Variants in IL15 observed in about 807,000 individuals in gnomAD.
IL15 encodes the protein interleukin-15.
IL15 carries 11 observed loss-of-function variants against 19.6 expected under a neutral mutation model. The observed-to-expected ratio is 0.56, with a 90% CI of 0.35 to 0.93. IL15 has a LOEUF of 0.93. IL15 is among the 40% of genes least tolerant of loss of function. The pLI is 0.01. For missense variants in IL15, 197 were observed against 186.5 expected (o/e 1.06, Z -0.33); for synonymous variants, 58 against 59.6 (o/e 0.97, Z 0.12).
intron 4 of IL15, chr4:141,720,960 C>T: frequency 1.7e-6 from 1 of 577,726 alleles, no homozygotes. Context: ...TATCCTAGTT[C>T]AGTTTAAAAC....
chr4:141,668,281 C>T (rs1057101696), intron 2 of IL15, among the ~76,000 whole-genome samples: 1 of 152,190 alleles, frequency 6.6e-6, no homozygotes, highest in African/African-American at 2.4e-5. Context: ...CTCAGCCTAC[C>T]TCCCTGGGCC....
chr4:141,672,713 G>T (rs1188732835), intron 2 of IL15, among the ~76,000 whole-genome samples: 1 of 152,164 alleles, frequency 6.6e-6, no homozygotes, highest in Non-Finnish European at 1.5e-5. Context: ...ATACGTAAAA[G>T]CATTATAACA....
rs936372896 is a variant in IL15 at position 141,723,411 on chromosome 4, G to A, written c.195+1403G>A. ...GGAAGAAAGCCATGTGAAGACAGAGGAAGAGATCAGAGTGATGCGGCTATA... is the reference window on the plus strand; with the variant it reads ...GGAAGAAAGCCATGTGAAGACAGAGAAAGAGATCAGAGTGATGCGGCTATA... On this transcript the variant is annotated intron_variant, in intron 5 of 7. Transcript: ENST00000320650. 5.9e-5 allele frequency among the ~76,000 whole-genome samples: 9 copies of A among 152,264 alleles called. No individual in the cohort carries two copies. The South Asian group carries it at 1.9e-3, about 32-fold the overall frequency.
chr4:141,696,050 C>T (rs1156873225), intron 2 of IL15, among the ~76,000 whole-genome samples: 1 of 152,014 alleles, frequency 6.6e-6, no homozygotes, highest in African/African-American at 2.4e-5. Flanking sequence ...AACATTTCCC[C>T]TATATTTTCT....
intron 2 of IL15, among the ~76,000 whole-genome samples, chr4:141,704,991 G>T (rs142978952): frequency 2.1e-4 from 31 of 150,860 alleles, no homozygotes; most frequent in Non-Finnish European, 4.0e-4. Flanking sequence ...CATAGGTAAA[G>T]GTTTGTTGAT....
At chr4:141,679,529 G>A (rs1364398976) in intron 2 of IL15, among the ~76,000 whole-genome samples, 1 of 152,010 alleles carries the variant, frequency 6.6e-6, no homozygotes, top group African/African-American at 2.4e-5. Context: ...TGATCTCAAA[G>A]GTGTTCCTTT....
chr4:141,647,699 T>G (rs2152153937), intron 1 of IL15, among the ~76,000 whole-genome samples: 1 of 152,172 alleles, frequency 6.6e-6, no homozygotes, highest in African/African-American at 2.4e-5. Context: ...TGCTGCTCTC[T>G]AGAGGGATTT....
chr4:141,694,194 T>C (rs1729016059), intron 2 of IL15, among the ~76,000 whole-genome samples: 1 of 152,206 alleles, frequency 6.6e-6, no homozygotes, highest in Non-Finnish European at 1.5e-5. Flanking sequence ...AGTCCTGTTT[T>C]CTAGGTGAAA....
intron 1 of IL15, among the ~76,000 whole-genome samples, chr4:141,652,941 C>T (rs144773820): frequency 1.3e-3 from 197 of 152,174 alleles, no homozygotes; most frequent in African/African-American, 4.2e-3. Context: ...TCACCGAATA[C>T]GTTATTATCA....
chr4:141,700,605 G>A (rs930834621), intron 2 of IL15, among the ~76,000 whole-genome samples: 1 of 152,114 alleles, frequency 6.6e-6, no homozygotes, highest in African/African-American at 2.4e-5. Flanking sequence ...GTGCCTTAGT[G>A]ATGGTCTTTG....
At chr4:141,715,950 G>A (rs933137984) in intron 2 of IL15, 4 of 152,080 alleles carry the variant, frequency 2.6e-5, no homozygotes, top group Admixed American at 2.6e-4. Flanking sequence ...AATAGCAATG[G>A]TGTGAGCCCC....
Position 141,732,859 on chromosome 4 carries a change from T to C in IL15, c.*11T>C. On this transcript the variant is annotated 3_prime_UTR_variant, in exon 8 of 8. Transcript: ENST00000320650. ...ATCAACACTTCTTGATTGCAATTGA[T>C]TCTTTTTAAAGTGTTTCTGTTATTA... 2 of 1,604,934 alleles carry C rather than the reference T, an allele frequency of 1.2e-6. No homozygotes were observed. The highest frequency in any genetic ancestry group is 1.7e-6 in the Non-Finnish European group (2 of 1,177,516).
intron 1 of IL15, among the ~76,000 whole-genome samples, chr4:141,644,878 T>C (rs958946029): frequency 1.3e-5 from 2 of 152,182 alleles, no homozygotes; most frequent in Non-Finnish European, 2.9e-5. Flanking sequence ...AAGTTCTTGC[T>C]CTGGAAGCAA....
intron 3 of IL15, 39 bp downstream of exon 3, chr4:141,719,515 C>T (rs1161996317): frequency 1.5e-6 from 2 of 1,338,630 alleles, no homozygotes; most frequent in Non-Finnish European, 2.1e-6. Context: ...TATGGAATTT[C>T]CCTTAAAGGT....
rs776763512 is a variant in IL15 at position 141,704,573 on chromosome 4, A to G, written c.-99-14793A>G. The G allele has an allele frequency of 1.2e-4, 43 of 372,542 alleles. 1 individual carries two copies. The highest frequency in any genetic ancestry group is 8.4e-4 in the South Asian group (41 of 48,972). The allele number at this position is 372,542 out of a possible 1,614,324, so 23.1% of individuals were successfully genotyped here. A position where few individuals can be genotyped will look rare whatever the true frequency, so the allele number is the denominator to read the frequency against. On this transcript the variant is annotated intron_variant, in intron 2 of 7. Coordinates refer to ENST00000320650, the MANE Select transcript of IL15 (RefSeq NM_000585.5). ...GCAGGCATTATAAAATAAGTTTAAA[A>G]GTATTCTCCCATCTTCAATTTTCTT...
intron 1 of IL15, among the ~76,000 whole-genome samples, chr4:141,643,980 A>G (rs1299492137): frequency 6.6e-6 from 1 of 151,606 alleles, no homozygotes; most frequent in Non-Finnish European, 1.5e-5. Flanking sequence ...TCATTCTCTT[A>G]GTTCCATAGA....
chr4:141,707,064 A>T (rs562521848), intron 2 of IL15, among the ~76,000 whole-genome samples: 65 of 152,240 alleles, frequency 4.3e-4, no homozygotes, highest in African/African-American at 1.6e-3. Flanking sequence ...GCCTAATTGT[A>T]TCCCATGTAT....
chr4:141,727,342 A>G (rs990872114), intron 5 of IL15, among the ~76,000 whole-genome samples: 3 of 152,170 alleles, frequency 2.0e-5, no homozygotes, highest in Admixed American at 2.0e-4. Flanking sequence ...TAAATGGCTC[A>G]TAAAAATGTC....
chr4:141,674,478 C>T (rs776715698), intron 2 of IL15, among the ~76,000 whole-genome samples: 8 of 151,986 alleles, frequency 5.3e-5, no homozygotes, highest in Non-Finnish European at 1.2e-4. Context: ...CCCAGCTACT[C>T]AGGAGGCTGA....
Sources: gnomAD v4.1 joint callset for allele counts (sites outside exome capture counted in the v4.1 genomes callset) on GRCh38, gnomAD v4.1.1 for gene constraint, MANE v1.5 for transcripts, NCBI Gene and HGNC (gene_info 2026-07-23, HGNC 2026-07-21) for gene names.